The following ZMYM4 variants were observed in gnomAD, a reference collection of about 807,000 sequenced individuals.
ZMYM4 encodes zinc finger MYM-type protein 4.
In ZMYM4, 31 loss-of-function variants were observed where a neutral mutation model predicts 183.2. The ratio of observed to expected loss-of-function variants is 0.17; its 90% CI spans 0.13 to 0.23. The LOEUF (loss-of-function observed/expected upper bound fraction) is 0.23, where lower values mean the gene tolerates loss of function less well. Among genes scored for constraint, ZMYM4 ranks in the 10% least tolerant of loss-of-function variants. The pLI, the probability that ZMYM4 is intolerant of heterozygous loss-of-function variation, is 1.00. For synonymous variants in ZMYM4, 592 were observed against 631.2 expected, an observed-to-expected ratio of 0.94 and a Z score of 0.93; for missense variants, 1,273 against 1,840.3, an observed-to-expected ratio of 0.69 and a Z score of 5.64.
At chr1:35,343,802 T>G (rs1006880160) in intron 2 of ZMYM4, among the ~76,000 whole-genome samples, 1 of 151,232 alleles carries the variant, frequency 6.6e-6, no homozygotes, top group Non-Finnish European at 1.5e-5. Context: ...AGGCGGAGGT[T>G]GCAGTGAGCT....
rs374048814 is a variant in ZMYM4 at position 35,388,957 on chromosome 1, C to G, written c.2311C>G (p.His771Asp). The change falls in exon 14 of 30, where the codon CAC becomes GAC. Residue 771 changes from histidine (H) to aspartate (D), a missense_variant. By Grantham distance (81) the His-to-Asp change is moderately conservative. This residue lies in a region of ZMYM4 where 319 missense variants were observed against 518.1 expected (regional missense o/e 0.62). Transcript: ENST00000314607. ...TGACTTGGCAAAACGCTGGGGAAAT[C>G]ACTGTAAAATGTGCAGTTATTGTTT... ...KHDLAKRWGN[H>D]CKMCSYCLQT... is the part of the protein sequence containing the mutation. The G allele has an allele frequency of 1.2e-6, 2 of 1,613,840 alleles. No individual in the cohort carries two copies. The highest frequency in any genetic ancestry group is 1.3e-5 in the African/African-American group (1 of 74,900).
In ZMYM4 at chr1:35,276,233, T is replaced by C. The variant is rs913069824; in HGVS notation, c.39+7148T>C. ...ATCTACTATTCCTGTCTCATCTAAC[T>C]ACTCATTTCTGTCCCTCCCTCCCTC... On this transcript the variant is annotated intron_variant, in intron 1 of 29. Transcript: ENST00000314607. Among the ~76,000 whole-genome samples the C allele has an allele frequency of 3.9e-5, 6 of 152,028 alleles. No individual in the cohort carries two copies. The South Asian group carries it at 8.3e-4, about 21-fold the overall frequency.
At chr1:35,373,380 CT>C (rs572118166) in intron 7 of ZMYM4, among the ~76,000 whole-genome samples, 44 of 132,512 alleles carry the variant, frequency 3.3e-4, no homozygotes, top group Middle Eastern at 3.8e-3. Context: ...TTTTTTTTTT[CT>C]TTTTTTTTTT....
At chr1:35,380,331 T>C (rs1181449956) in intron 7 of ZMYM4, among the ~76,000 whole-genome samples, 1 of 151,768 alleles carries the variant, frequency 6.6e-6, no homozygotes, top group African/African-American at 2.4e-5. Flanking sequence ...TATTTATTTA[T>C]TTATTTATTT....
intron 9 of ZMYM4, among the ~76,000 whole-genome samples, chr1:35,383,555 GAAAA>G (rs986579214): frequency 6.8e-6 from 1 of 148,018 alleles, no homozygotes; most frequent in African/African-American, 2.5e-5. Context: ...TGTTCTCAAA[GAAAA>G]AAAAAATCCC....
At chr1:35,418,083 T>G (rs1450940592) in intron 28 of ZMYM4, among the ~76,000 whole-genome samples, 1 of 152,164 alleles carries the variant, frequency 6.6e-6, no homozygotes. Context: ...CCCTTCTTTC[T>G]GCTTTATCTT....
chr1:35,301,671 AT>A (rs1357013425), intron 1 of ZMYM4, among the ~76,000 whole-genome samples: 7 of 151,918 alleles, frequency 4.6e-5, no homozygotes, highest in Non-Finnish European at 8.8e-5. Flanking sequence ...ACTGGCCTCC[AT>A]GGTTTCTTCT....
At chr1:35,399,450 C>T in intron 22 of ZMYM4, 32 bp from the exon 23 acceptor site, 1 of 1,586,648 alleles carries the variant, frequency 6.3e-7, no homozygotes, top group Admixed American at 1.7e-5. Flanking sequence ...GAGTTATTTA[C>T]CTCATGTTGT....
intron 26 of ZMYM4, 103 bp downstream of exon 26, chr1:35,408,262 G>C: frequency 7.4e-7 from 1 of 1,344,994 alleles, no homozygotes; most frequent in Admixed American, 2.4e-5. Flanking sequence ...ATATATACTG[G>C]TATTTTCATT....
chr1:35,349,896 A>G, intron 2 of ZMYM4, among the ~76,000 whole-genome samples: 1 of 151,796 alleles, frequency 6.6e-6, no homozygotes, highest in Non-Finnish European at 1.5e-5. Context: ...ATTTAAAGCA[A>G]ATCACAATCA....
At chr1:35,293,924 A>G (rs1640884136) in intron 1 of ZMYM4, among the ~76,000 whole-genome samples, 1 of 152,140 alleles carries the variant, frequency 6.6e-6, no homozygotes, top group African/African-American at 2.4e-5. Flanking sequence ...GCACGAGGTC[A>G]GGAGATCGAG....
intron 5 of ZMYM4, among the ~76,000 whole-genome samples, chr1:35,362,358 C>T (rs535728006): frequency 1.3e-5 from 2 of 152,278 alleles, no homozygotes; most frequent in South Asian, 2.1e-4. Flanking sequence ...TTCAAGGTTG[C>T]TCTGGAGATA....
chr1:35,333,768 T>C (rs1242827843), intron 2 of ZMYM4, among the ~76,000 whole-genome samples: 1 of 152,088 alleles, frequency 6.6e-6, no homozygotes, highest in Non-Finnish European at 1.5e-5. Context: ...TTAACAAAAA[T>C]GGGATCATAT....
chr1:35,323,817 G>C (rs1315400978), intron 1 of ZMYM4, among the ~76,000 whole-genome samples: 1 of 151,888 alleles, frequency 6.6e-6, no homozygotes, highest in Non-Finnish European at 1.5e-5. Context: ...GCCTCCCAAA[G>C]TGCTGGGATT....
In ZMYM4 at chr1:35,313,536, G is replaced by A. The variant is rs140033480; in HGVS notation, c.40-11824G>A. On this transcript the variant is annotated intron_variant, in intron 1 of 29. Coordinates refer to ENST00000314607, the MANE Select transcript of ZMYM4 (RefSeq NM_005095.3). ...CCCGAGTAGCTGGGACTACAGGCGG[G>A]CGTCACCACACCCGGCTAATTTTTT... is the stretch of plus-strand genomic sequence containing the variant. Among the ~76,000 whole-genome samples the A allele has an allele frequency of 8.6e-5, 13 of 151,762 alleles. 2 individuals are homozygous for A. The highest frequency in any genetic ancestry group is 2.7e-4 in the African/African-American group (11 of 41,392).
rs774664157 is a variant in ZMYM4, at chr1:35,359,119, G to A, written c.280G>A (p.Asp94Asn). The change falls in exon 3 of 30, where the codon GAT (aspartate) becomes AAT (asparagine). Residue 94 changes from aspartate to asparagine, a missense_variant. Asp to Asn is a conservative substitution (Grantham distance 23). Coordinates refer to ENST00000314607, the MANE Select transcript of ZMYM4 (RefSeq NM_005095.3). ...VVGSDNEDEQ[D>N]FSSKDNLVSS... ...TGGTAGTGACAATGAGGATGAACAG[G>A]ATTTTAGTTCAAAGGACAATCTTGT... 32 of 1,613,670 alleles carry A rather than the reference G, an allele frequency of 2.0e-5. No individual in the cohort carries two copies. In the East Asian group the frequency reaches 7.1e-4, roughly 36 times the overall value.
At chr1:35,386,728 A>C (rs1644585852) in intron 11 of ZMYM4, among the ~76,000 whole-genome samples, 1 of 152,196 alleles carries the variant, frequency 6.6e-6, no homozygotes, top group Non-Finnish European at 1.5e-5. Context: ...AATTTAATTT[A>C]ACTGCCTTCT....
chr1:35,296,257 C>T (rs1016257175), intron 1 of ZMYM4, among the ~76,000 whole-genome samples: 12 of 152,154 alleles, frequency 7.9e-5, no homozygotes, highest in Admixed American at 3.9e-4. Context: ...TCAGGATTCC[C>T]TCTTCCAGAT....
intron 17 of ZMYM4, 88 bp downstream of exon 17, chr1:35,392,772 C>T: frequency 1.1e-6 from 1 of 950,738 alleles, no homozygotes; most frequent in African/African-American, 1.7e-5. Flanking sequence ...ATTTGCCCTC[C>T]TTCTTTATTA....
Sources: allele counts gnomAD v4.1 joint callset (sites outside exome capture counted in the v4.1 genomes callset), GRCh38; gene constraint gnomAD v4.1.1; regional missense constraint gnomAD v4.1.1; transcripts MANE v1.5; gene names NCBI Gene and HGNC (gene_info 2026-07-23, HGNC 2026-07-21).